The following KHDRBS2 variants were observed in gnomAD, a reference collection of about 807,000 sequenced individuals.
The protein encoded by KHDRBS2 is KH RNA binding domain containing, signal transduction associated 2.
Under a neutral mutation model 44.3 loss-of-function variants are expected in KHDRBS2, and 26 were observed. The ratio of observed to expected loss-of-function variants is 0.59; its 90% CI spans 0.43 to 0.81. The LOEUF (loss-of-function observed/expected upper bound fraction) is 0.81, where lower values mean the gene tolerates loss of function less well. Ranked by LOEUF, KHDRBS2 falls within the 40% of genes least tolerant of loss-of-function variation. The pLI is 0.00. For synonymous variants in KHDRBS2, 194 were observed against 151.1 expected (o/e 1.28, Z -2.08); for missense variants, 476 against 433.1 (o/e 1.10, Z -0.88).
chr6:62,093,132 C>A (rs954119371), intron 2 of KHDRBS2, among the ~76,000 whole-genome samples: 1 of 150,566 alleles, frequency 6.6e-6, no homozygotes, highest in Non-Finnish European at 1.5e-5. Flanking sequence ...GGCATAAACT[C>A]ATTAAAAATC....
At chr6:61,755,954 T>C in intron 6 of KHDRBS2, among the ~76,000 whole-genome samples, 1 of 152,156 alleles carries the variant, frequency 6.6e-6, no homozygotes. Context: ...CTGAGGTCTT[T>C]CACTTTTCAG....
At chr6:61,636,378 T>G in the KHDRBS2 span, among the ~76,000 whole-genome samples, 10 of 152,028 alleles carry the variant, frequency 6.6e-5, no homozygotes, top group Admixed American at 6.6e-4. Flanking sequence ...CCATCTGGAG[T>G]TTAGCCACCT....
At chr6:61,627,170 G>A in the KHDRBS2 span, among the ~76,000 whole-genome samples, 6 of 148,792 alleles carry the variant, frequency 4.0e-5, no homozygotes, top group South Asian at 2.1e-4. Flanking sequence ...GGAGAATGGC[G>A]TGAACCTGGG....
chr6:61,862,867 T>A (rs1304140912), intron 6 of KHDRBS2, among the ~76,000 whole-genome samples: 1 of 152,078 alleles, frequency 6.6e-6, no homozygotes, highest in Non-Finnish European at 1.5e-5. Context: ...TCTTCTTCAA[T>A]TTTTTTGGAA....
intron 6 of KHDRBS2, among the ~76,000 whole-genome samples, chr6:61,760,711 T>C (rs1480642448): frequency 6.6e-6 from 1 of 152,146 alleles, no homozygotes; most frequent in African/African-American, 2.4e-5. Flanking sequence ...TAGAAATATT[T>C]TATGACATTC....
intron 4 of KHDRBS2, among the ~76,000 whole-genome samples, chr6:61,942,716 C>G (rs1812373156): frequency 6.6e-6 from 1 of 152,032 alleles, no homozygotes. Flanking sequence ...AATCCATATA[C>G]AGAAGGCTCT....
intron 6 of KHDRBS2, among the ~76,000 whole-genome samples, chr6:61,884,504 G>C (rs1800643504): frequency 1.3e-5 from 2 of 152,022 alleles, no homozygotes; most frequent in Admixed American, 1.3e-4. Context: ...TTGTCTACCT[G>C]AAGTGTCTTT....
chr6:61,878,776 A>G (rs765275453), intron 6 of KHDRBS2, among the ~76,000 whole-genome samples: 1 of 151,966 alleles, frequency 6.6e-6, no homozygotes, highest in South Asian at 2.1e-4. Flanking sequence ...CAAACCTATG[A>G]CCACTGGCTC....
At position 62,255,744 on chromosome 6, in the gene KHDRBS2, C is replaced by A. The variant is rs190802536; in HGVS notation, c.91+30114G>T. ...TATCCTGGTACTCCATCTCAGAATA[C>A]TAGGTATACTACTAGAGTACCCCAG... On this transcript the variant is annotated intron_variant, in intron 1 of 8. Coordinates refer to ENST00000281156, the MANE Select transcript of KHDRBS2 (RefSeq NM_152688.4). Among the ~76,000 whole-genome samples, 56 of 151,836 alleles carry A rather than the reference C, an allele frequency of 3.7e-4. 1 individual carries two copies. The East Asian group carries it at 0.01, about 28-fold the overall frequency.
At chr6:62,078,865 A>G (rs1796845051) in intron 2 of KHDRBS2, among the ~76,000 whole-genome samples, 1 of 152,008 alleles carries the variant, frequency 6.6e-6, no homozygotes, top group African/African-American at 2.4e-5. Context: ...ATTTGCTACT[A>G]AAAGGGAACA....
chr6:61,626,527 C>CCTATGTATTTAAGCAGTTAAGTATTTA, the KHDRBS2 span, among the ~76,000 whole-genome samples: 1 of 152,180 alleles, frequency 6.6e-6, no homozygotes, highest in Admixed American at 6.5e-5. Context: ...GTATTTAAGT[C>CCTATGTATTTAAGCAGTTAAGTATTTA]ACTGCTATGT....
chr6:61,809,742 A>C (rs9453095), intron 6 of KHDRBS2, among the ~76,000 whole-genome samples: 1,862 of 152,176 alleles, frequency 0.012, 44 homozygotes, highest in African/African-American at 0.043. Flanking sequence ...TCAAGACCCT[A>C]CCTGACAACC....
intron 6 of KHDRBS2, among the ~76,000 whole-genome samples, chr6:61,814,360 C>T (rs143236640): frequency 7.6e-4 from 115 of 152,050 alleles, no homozygotes; most frequent in African/African-American, 2.5e-3. Context: ...GCCTGAAATC[C>T]CAGTTTGGGA....
intron 1 of KHDRBS2, among the ~76,000 whole-genome samples, chr6:62,186,528 T>C (rs1188644283): frequency 6.6e-6 from 1 of 152,068 alleles, no homozygotes; most frequent in East Asian, 1.9e-4. Context: ...CATTTGAATG[T>C]GTCCTTTATC....
intron 1 of KHDRBS2, among the ~76,000 whole-genome samples, chr6:62,231,984 G>A (rs981601201): frequency 1.3e-5 from 2 of 151,958 alleles, no homozygotes; most frequent in African/African-American, 4.8e-5. Context: ...AGGGTTTCCT[G>A]GTTTAATATG....
chr6:62,117,103 A>G (rs1047348978), intron 2 of KHDRBS2, among the ~76,000 whole-genome samples: 3 of 152,062 alleles, frequency 2.0e-5, no homozygotes, highest in African/African-American at 7.2e-5. Flanking sequence ...CTTCTTTTAG[A>G]TATATACTCA....
At chr6:61,755,828 A>T (rs1416577659) in intron 6 of KHDRBS2, among the ~76,000 whole-genome samples, 2 of 151,266 alleles carry the variant, frequency 1.3e-5, no homozygotes, top group Admixed American at 1.3e-4. Flanking sequence ...TCATTGGATT[A>T]TTTTGAAAAA....
At chr6:62,130,140 G>A (rs1354076421) in intron 2 of KHDRBS2, among the ~76,000 whole-genome samples, 1 of 152,098 alleles carries the variant, frequency 6.6e-6, no homozygotes, top group East Asian at 1.9e-4. Flanking sequence ...ATAAAAGCAG[G>A]TGAAATCATT....
intron 7 of KHDRBS2, among the ~76,000 whole-genome samples, chr6:61,702,916 CAGCTAACATT>C (rs1007140326): frequency 1.8e-4 from 28 of 151,858 alleles, no homozygotes; most frequent in Admixed American, 1.3e-3. Flanking sequence ...TGAGTCAATG[CAGCTAACATT>C]ATATATCTTG....
Sources: gnomAD v4.1 joint callset for allele counts (sites outside exome capture counted in the v4.1 genomes callset) on GRCh38, gnomAD v4.1.1 for gene constraint, MANE v1.5 for transcripts, NCBI Gene and HGNC (gene_info 2026-07-23, HGNC 2026-07-21) for gene names.